MLXIP: variants seen among roughly 807,000 people sequenced by gnomAD.
MLXIP encodes the protein MLX-interacting protein.
Under a neutral mutation model 87.2 loss-of-function variants are expected in MLXIP, and 30 were observed. The ratio of observed to expected loss-of-function variants is 0.34; its 90% confidence interval spans 0.26 to 0.47. The LOEUF (loss-of-function observed/expected upper bound fraction) is 0.47. Ranked by LOEUF, MLXIP falls within the 20% of genes least tolerant of loss-of-function variation. The probability of loss-of-function intolerance (pLI) is 1.00; values close to 1 mark genes in which losing one functional copy is unlikely to be tolerated. For missense variants in MLXIP, 1,002 were observed against 1,240.1 expected (o/e 0.81, Z 2.88); for synonymous variants, 530 against 514.0 (o/e 1.03, Z -0.42).
chr12:122,097,628 G>T (rs560241378), intron 1 of MLXIP, among the ~76,000 whole-genome samples: 7 of 140,930 alleles, frequency 5.0e-5, no homozygotes, highest in South Asian at 2.3e-4. Context: ...AAAAAAAAAA[G>T]TAATTAATTA....
intron 1 of MLXIP, among the ~76,000 whole-genome samples, chr12:122,113,964 C>CTCCCAAA (rs1565972490): frequency 4.1e-5 from 6 of 148,016 alleles, no homozygotes; most frequent in Non-Finnish European, 7.4e-5. Context: ...GGATTACAGG[C>CTCCCAAA]GTGAGCCACT....
intron 1 of MLXIP, among the ~76,000 whole-genome samples, chr12:122,114,980 C>G (rs1268727405): frequency 6.6e-6 from 1 of 151,804 alleles, no homozygotes; most frequent in Non-Finnish European, 1.5e-5. Context: ...CTCCTGACCT[C>G]AAATGATCCA....
intron 9 of MLXIP, chr12:122,134,456 TC>T (rs1953046804): frequency 6.3e-6 from 1 of 158,956 alleles, no homozygotes; most frequent in Non-Finnish European, 1.4e-5. Context: ...AACCTCCGCC[TC>T]CTGGGTTCAA....
chr12:122,126,424 G>A (rs1468464696), intron 1 of MLXIP, among the ~76,000 whole-genome samples: 1 of 152,188 alleles, frequency 6.6e-6, no homozygotes, highest in East Asian at 1.9e-4. Context: ...GGAGAGGCCA[G>A]GCCAGCTCAG....
chr12:122,135,683 C>A lies in MLXIP; in HGVS notation c.2032+17C>A. On this transcript the variant is annotated intron_variant, in intron 11 of 16. Coordinates refer to ENST00000319080, the MANE Select transcript of MLXIP (RefSeq NM_014938.6). The surrounding 1 kb of genome is among the most constrained non-coding windows in gnomAD (Gnocchi z 5.3). ...CAGGGCCCAGTGAGTGTTCACTCGG[C>A]GGGATGGTTGGGGCATCGCAAGGGA... 1 of 1,470,488 alleles carries A rather than the reference C, an allele frequency of 6.8e-7. No individual in the cohort carries two copies. The highest frequency in any genetic ancestry group is 9.0e-7 in the Non-Finnish European group (1 of 1,111,222). 91.1% of individuals were successfully genotyped at this position (1,470,488 alleles called of 1,614,324 possible). A position where few individuals can be genotyped will look rare whatever the true frequency, so the allele number is the denominator to read the frequency against.
intron 1 of MLXIP, among the ~76,000 whole-genome samples, chr12:122,094,836 T>C (rs1161266065): frequency 2.1e-5 from 3 of 140,816 alleles, no homozygotes; most frequent in Admixed American, 7.2e-5. Flanking sequence ...GTGTGTGGGG[T>C]GTGGGTGTGT....
chr12:122,086,563 C>T (rs562811039), intron 1 of MLXIP, among the ~76,000 whole-genome samples: 1 of 152,192 alleles, frequency 6.6e-6, no homozygotes, highest in South Asian at 2.1e-4. Flanking sequence ...CAAATTACTT[C>T]TTGGGTAGAA....
At chr12:122,107,470 C>T (rs1952539175) in intron 1 of MLXIP, among the ~76,000 whole-genome samples, 4 of 152,004 alleles carry the variant, frequency 2.6e-5, no homozygotes, top group Non-Finnish European at 5.9e-5. Context: ...TTTAATTGTG[C>T]GGTTCCCACA....
intron 1 of MLXIP, among the ~76,000 whole-genome samples, chr12:122,097,886 A>G (rs1392526361): frequency 2.0e-5 from 3 of 149,576 alleles, no homozygotes; most frequent in Non-Finnish European, 4.4e-5. Context: ...GGCTTTGTCC[A>G]TAGGGAAGCA....
chr12:122,111,967 G>T (rs1326970986), intron 1 of MLXIP, among the ~76,000 whole-genome samples: 2 of 152,078 alleles, frequency 1.3e-5, no homozygotes, highest in African/African-American at 2.4e-5. Context: ...TTTTCTTTTA[G>T]AATAGTTTTA....
chr12:122,131,069 T>A, intron 7 of MLXIP, 136 bp downstream of exon 7: 3 of 626,564 alleles, frequency 4.8e-6, no homozygotes, highest in Non-Finnish European at 8.7e-6. Flanking sequence ...TTTTTTAAAC[T>A]GAACTGTTTT....
rs183348638 is a variant in MLXIP, at chr12:122,141,911, G to A, written c.*99G>A. 7.6e-5 allele frequency: 117 copies of A among 1,534,376 alleles called. 2 individuals are homozygous for A. In the Admixed American group the frequency reaches 1.7e-3, roughly 22 times the overall value. On this transcript the variant is annotated 3_prime_UTR_variant, in exon 17 of 17. Coordinates refer to ENST00000319080, the MANE Select transcript of MLXIP (RefSeq NM_014938.6). The stretch of plus-strand genomic sequence containing the variant: ...CCAGCCCTTCCTGACGCTCAGCCTC[G>A]GGGCCTCTCTCCAACTCTGCCGGCC...
At chr12:122,122,860 CT>C (rs60568039) in intron 1 of MLXIP, among the ~76,000 whole-genome samples, 106 of 142,262 alleles carry the variant, frequency 7.5e-4, no homozygotes, top group Admixed American at 1.1e-3. Flanking sequence ...TTTTCTTTTT[CT>C]TTTTTTTTTT....
chr12:122,126,165 A>T (rs1223654039), intron 1 of MLXIP, among the ~76,000 whole-genome samples: 1 of 152,190 alleles, frequency 6.6e-6, no homozygotes, highest in Non-Finnish European at 1.5e-5. Context: ...TAGCACTTGG[A>T]AAACTGAGCT....
At chr12:122,085,016 G>A (rs1175462111) in intron 1 of MLXIP, among the ~76,000 whole-genome samples, 2 of 152,128 alleles carry the variant, frequency 1.3e-5, no homozygotes, top group Middle Eastern at 3.2e-3. Context: ...AAAGTGTCTT[G>A]AGGAGAAAAG....
At position 122,084,144 on chromosome 12, in the gene MLXIP, T is replaced by TTGTGTG. The variant is rs746678463; in HGVS notation, c.413+4922_413+4927dup. Among the ~76,000 whole-genome samples, 795 of 138,214 alleles carry TTGTGTG rather than the reference T, an allele frequency of 5.8e-3. 16 individuals carry two copies. Among genetic ancestry groups the TTGTGTG allele is most frequent in the African/African-American group, 0.019 (680 of 36,728 alleles). 90.7% of individuals were successfully genotyped at this position (138,214 alleles called of 152,430 possible). ...TACCGGGAAGGATATCTCAGCCAGA[T>TTGTGTG]TGTGTGTGTGTGTGTGTGTGTGTGT... is the stretch of plus-strand genomic sequence containing the variant. On this transcript the variant is annotated intron_variant, in intron 1 of 16. Coordinates refer to ENST00000319080, the MANE Select transcript of MLXIP (RefSeq NM_014938.6).
chr12:122,120,750 G>A (rs75023727), intron 1 of MLXIP, among the ~76,000 whole-genome samples: 3,960 of 152,108 alleles, frequency 0.026, 136 homozygotes, highest in Non-Finnish European at 0.031. Context: ...AGGAGGGAAC[G>A]ACCCCAGCCC....
chr12:122,125,035 G>A (rs3892367), intron 1 of MLXIP, among the ~76,000 whole-genome samples: 70,377 of 152,044 alleles, frequency 0.46, 16,496 homozygotes, highest in Middle Eastern at 0.64. Context: ...GTGTGGTGGC[G>A]CATGCCTGTA....
chr12:122,127,321 T>A lies in MLXIP; in HGVS notation c.479T>A (p.Ile160Asn). ...KGLKLQWRDK[I>N]RLNNAIWRAW... ...CTGAAGCTACAGTGGAGAGACAAGATCCGGCTCAATAATGCCATCTGGCGG... is the reference window on the plus strand; with the variant it reads ...CTGAAGCTACAGTGGAGAGACAAGAACCGGCTCAATAATGCCATCTGGCGG... Residue 160 changes from isoleucine to asparagine, a missense_variant, in exon 2 of 17, where the codon ATC (isoleucine) becomes AAC (asparagine). By Grantham distance (149) the Ile-to-Asn change is moderately radical (BLOSUM62 -3). Transcript: ENST00000319080. The A allele has an allele frequency of 1.2e-6, 2 of 1,613,568 alleles. No individual in the cohort carries two copies. The highest frequency in any genetic ancestry group is 1.7e-6 in the Non-Finnish European group (2 of 1,179,770).
Sources: allele counts gnomAD v4.1 joint callset (sites outside exome capture counted in the v4.1 genomes callset), GRCh38; gene constraint gnomAD v4.1.1; non-coding constraint Gnocchi (gnomAD v3.1); transcripts MANE v1.5; gene names NCBI Gene and HGNC (gene_info 2026-07-23, HGNC 2026-07-21).